The following PRKCZ variants were observed in gnomAD, a reference collection of about 807,000 sequenced individuals.
The protein encoded by PRKCZ is protein kinase C zeta.
PRKCZ carries 33 observed loss-of-function variants against 79.5 expected under a neutral mutation model. The ratio of observed to expected loss-of-function variants is 0.41; its 90% CI spans 0.31 to 0.55. The LOEUF (loss-of-function observed/expected upper bound fraction) is 0.55, where lower values mean the gene tolerates loss of function less well. PRKCZ is among the 20% of genes least tolerant of loss of function. The pLI is 0.19. For synonymous variants in PRKCZ, 342 were observed against 320.9 expected, an observed-to-expected ratio of 1.07 and a Z score of -0.70; for missense variants, 578 against 813.5, an observed-to-expected ratio of 0.71 and a Z score of 3.52.
intron 4 of PRKCZ, among the ~76,000 whole-genome samples, chr1:2,120,971 G>A (rs1039191013): frequency 6.6e-6 from 1 of 150,896 alleles, no homozygotes; most frequent in Admixed American, 6.6e-5. Flanking sequence ...ACACTACCAC[G>A]CCCCACTAAT....
chr1:2,173,215 C>G lies in PRKCZ; in HGVS notation c.1286-682C>G, dbSNP rs141680383. On this transcript the variant is annotated intron_variant, in intron 13 of 17. Transcript: ENST00000378567. This position sits in a 1 kb window ranked among gnomAD's most constrained non-coding sequence, Gnocchi z 5.7. ...GGGCAGGCAGGGCGGGCAGGTCACT[C>G]GCCGCTGGGATAACTGGGCTCCCCA... is the stretch of plus-strand genomic sequence containing the variant. 5.3e-4 allele frequency among the ~76,000 whole-genome samples: 80 copies of G among 152,216 alleles called. 1 individual carries two copies. In the East Asian group the frequency reaches 0.015, roughly 29 times the overall value.
intron 2 of PRKCZ, 62 bp from the exon 3 acceptor site, chr1:2,056,422 C>T (rs918623368): frequency 3.1e-5 from 45 of 1,467,338 alleles, no homozygotes; most frequent in Non-Finnish European, 4.0e-5. Context: ...TGAGCGGGCT[C>T]GTCACAGCCC....
chr1:2,144,807 G>A, intron 6 of PRKCZ: 1 of 227,868 alleles, frequency 4.4e-6, no homozygotes, highest in Non-Finnish European at 7.5e-6. Flanking sequence ...ATCCCCGAGT[G>A]CTTGGACTTG....
At chr1:2,049,414 T>G (rs1659467296), upstream of PRKCZ, 1 of 151,764 alleles carries the variant, frequency 6.6e-6, no homozygotes, top group African/African-American at 2.4e-5. Context: ...AGAACATGGG[T>G]TCTGTGGCCA....
At chr1:2,060,246 G>A (rs902650327) in intron 4 of PRKCZ, among the ~76,000 whole-genome samples, 10 of 152,370 alleles carry the variant, frequency 6.6e-5, no homozygotes, top group Admixed American at 2.0e-4. Context: ...GACCGAGGCC[G>A]CTGCCTGTCC....
chr1:2,069,422 C>T (rs765954430), intron 4 of PRKCZ, among the ~76,000 whole-genome samples: 19 of 152,160 alleles, frequency 1.2e-4, no homozygotes, highest in Non-Finnish European at 2.5e-4. Context: ...TGGGGCTCCA[C>T]CAACCAGAAC....
intron 1 of PRKCZ, among the ~76,000 whole-genome samples, chr1:2,053,245 C>T (rs372643744): frequency 7.2e-5 from 11 of 152,192 alleles, no homozygotes; most frequent in African/African-American, 2.4e-4. Flanking sequence ...GGACTACAGA[C>T]GCCCGCCACC....
At chr1:2,162,541 C>T (rs556440944) in intron 10 of PRKCZ, among the ~76,000 whole-genome samples, 1 of 152,340 alleles carries the variant, frequency 6.6e-6, no homozygotes, top group East Asian at 1.9e-4. Flanking sequence ...TTTACCTTTT[C>T]ATTCACTCAC....
chr1:2,180,968 G>A (rs780658096), intron 16 of PRKCZ, among the ~76,000 whole-genome samples: 5 of 152,194 alleles, frequency 3.3e-5, no homozygotes, highest in Non-Finnish European at 5.9e-5. Flanking sequence ...GGACCCTGGC[G>A]TGCTGTCCCC....
Position 2,172,449 on chromosome 1 carries a change from G to C in PRKCZ, c.1285+61G>C. The C allele has an allele frequency of 6.6e-7, 1 of 1,525,132 alleles. No homozygotes were observed. Among genetic ancestry groups the C allele is most frequent in the Non-Finnish European group, 8.9e-7 (1 of 1,126,328 alleles). The allele number at this position is 1,525,132 out of a possible 1,614,324, so 94.5% of individuals were successfully genotyped here. A position where few individuals can be genotyped will look rare whatever the true frequency, so the allele number is the denominator to read the frequency against. On this transcript the variant is annotated intron_variant, in intron 13 of 17. Coordinates refer to ENST00000378567, the MANE Select transcript of PRKCZ (RefSeq NM_002744.6). This position sits in a 1 kb window ranked among gnomAD's most constrained non-coding sequence, Gnocchi z 7.8. The stretch of plus-strand genomic sequence containing the variant: ...CAGGGCCAGAGATGGCTTCGGGCCT[G>C]GCCCAGCAGCCAGGGAGAGGTGTCC...
chr1:2,162,525 A>G (rs779233699), intron 10 of PRKCZ, among the ~76,000 whole-genome samples: 19 of 152,116 alleles, frequency 1.2e-4, no homozygotes, highest in Non-Finnish European at 2.4e-4. Context: ...CCATTCAGGA[A>G]CCCGGTTTAC....
intron 4 of PRKCZ, chr1:2,073,790 G>C: frequency 6.9e-6 from 7 of 1,019,052 alleles, no homozygotes; most frequent in Non-Finnish European, 8.2e-6. Context: ...CCTCGCGCTC[G>C]AGCCTCCCTG....
At chr1:2,135,203 C>T (rs765036456) in intron 4 of PRKCZ, 59 bp from the exon 5 acceptor site, 9 of 1,456,900 alleles carry the variant, frequency 6.2e-6, no homozygotes, top group Admixed American at 1.7e-5. Context: ...GCAGCTGCAC[C>T]CTGCGTGGGC....
At chr1:2,107,326 C>T (rs545820039) in intron 4 of PRKCZ, among the ~76,000 whole-genome samples, 1 of 152,238 alleles carries the variant, frequency 6.6e-6, no homozygotes, top group East Asian at 1.9e-4. Context: ...GAGGCAGGTC[C>T]TGCTCCAGAC....
chr1:2,083,772 A>G (rs1014718245), intron 4 of PRKCZ, among the ~76,000 whole-genome samples: 4 of 151,968 alleles, frequency 2.6e-5, no homozygotes, highest in African/African-American at 9.7e-5. Context: ...AAACGTGGGT[A>G]TTCTTCTTTG....
chr1:2,150,861 C>T lies in PRKCZ; in HGVS notation c.759C>T (p.Asp253=). The part of the protein sequence containing the change: ...ISQGLGLQDF[D]LIRVIGRGSY... ...AGGGGCTTGGGCTGCAGGACTTTGA[C>T]CTAATCAGAGTCATCGGGCGCGGGA... Residue 253 remains aspartate, a synonymous_variant, in exon 9 of 18, where the codon GAC becomes GAT. Transcript: ENST00000378567. The T allele has an allele frequency of 6.2e-7, 1 of 1,614,158 alleles. No homozygotes were observed. The highest frequency in any genetic ancestry group is 8.5e-7 in the Non-Finnish European group (1 of 1,180,030).
chr1:2,057,122 G>A (rs1454530030), intron 3 of PRKCZ, among the ~76,000 whole-genome samples: 2 of 152,200 alleles, frequency 1.3e-5, no homozygotes, highest in South Asian at 2.1e-4. Context: ...TAGGGCCCGC[G>A]GCGCATGTGG....
At chr1:2,066,344 G>A (rs1002874583) in intron 4 of PRKCZ, among the ~76,000 whole-genome samples, 1 of 151,864 alleles carries the variant, frequency 6.6e-6, no homozygotes, top group Non-Finnish European at 1.5e-5. Flanking sequence ...GCTTTGTTGG[G>A]AGGTTCTCTT....
rs750948660 is a variant in PRKCZ at position 2,165,104 on chromosome 1, C to T, written c.975-4414C>T. On this transcript the variant is annotated intron_variant, in intron 10 of 17. Coordinates refer to ENST00000378567, the MANE Select transcript of PRKCZ (RefSeq NM_002744.6). The surrounding 1 kb of genome is among the most constrained non-coding windows in gnomAD (Gnocchi z 4.1). ...GCCTTTTATCTTTGATGGAGAAATC[C>T]GAGGCCTGCCAGCATCCCCACCAGT... Among the ~76,000 whole-genome samples the T allele has an allele frequency of 9.9e-5, 15 of 152,188 alleles. No homozygotes were observed. Among genetic ancestry groups the T allele is most frequent in the Non-Finnish European group, 4.4e-5 (3 of 68,032 alleles).
Sources: gnomAD v4.1 joint callset for allele counts (sites outside exome capture counted in the v4.1 genomes callset) on GRCh38, gnomAD v4.1.1 for gene constraint, Gnocchi (gnomAD v3.1) non-coding constraint, MANE v1.5 for transcripts, NCBI Gene and HGNC (gene_info 2026-07-23, HGNC 2026-07-21) for gene names.